SMIM14: variants seen among roughly 807,000 people sequenced by gnomAD.
SMIM14 encodes the protein chromosome 4 open reading frame 34.
In SMIM14, 5 loss-of-function variants were observed where a neutral mutation model predicts 12.6. The observed-to-expected ratio is 0.40, with a 90% CI of 0.21 to 0.83. The LOEUF is 0.83. SMIM14 is among the 40% of genes least tolerant of loss of function. The pLI, the probability that SMIM14 is intolerant of heterozygous loss-of-function variation, is 0.37. For synonymous variants in SMIM14, 30 were observed against 40.1 expected, an observed-to-expected ratio of 0.75 and a Z score of 0.95; for missense variants, 86 against 119.1, an observed-to-expected ratio of 0.72 and a Z score of 1.29.
rs1163098013 is a variant in SMIM14 at position 39,619,860 on chromosome 4, T to TTATA, written c.-35-14684_-35-14681dup. ...AATGTATATATATATTTATATATATTTATATATATATATATATTTTTTTTT... is the reference window on the plus strand; with the variant it reads ...AATGTATATATATATTTATATATATTTATATATATATATATATATATTTTTTTTT... On this transcript the variant is annotated intron_variant, in intron 1 of 4. Transcript: ENST00000295958. Among the ~76,000 whole-genome samples the TTATA allele has an allele frequency of 3.6e-3, 399 of 111,054 alleles. 7 individuals are homozygous for TTATA. The highest frequency in any genetic ancestry group is 8.6e-3 in the African/African-American group (228 of 26,364). 72.9% of individuals were successfully genotyped at this position (111,054 alleles called of 152,430 possible).
rs1475418410 is a variant in SMIM14, at chr4:39,547,350, T to G, written c.*4776A>C. ...AATAAAAAGTGCATAGTACAAGCCC[T>G]TTATCCCAATCCAAGTACTCAGAAA... On this transcript the variant is annotated 3_prime_UTR_variant, in exon 5 of 5. Transcript: ENST00000295958. 2.6e-5 allele frequency: 4 copies of G among 152,156 alleles called. No individual in the cohort carries two copies. Among genetic ancestry groups the G allele is most frequent in the Non-Finnish European group, 4.4e-5 (3 of 68,018 alleles). The allele number at this position is 152,156 out of a possible 1,614,324, so 9.4% of individuals were successfully genotyped here.
At chr4:39,570,244 T>G (rs1451680247) in intron 3 of SMIM14, among the ~76,000 whole-genome samples, 1 of 152,072 alleles carries the variant, frequency 6.6e-6, no homozygotes, top group Non-Finnish European at 1.5e-5. Context: ...TACTGCAACC[T>G]CTGCCTCCTG....
intron 2 of SMIM14, among the ~76,000 whole-genome samples, chr4:39,588,482 T>G (rs1329204574): frequency 4.6e-5 from 7 of 152,204 alleles, no homozygotes; most frequent in African/African-American, 1.7e-4. Flanking sequence ...GCCTTTTATG[T>G]CTTCCAGTGC....
intron 4 of SMIM14, among the ~76,000 whole-genome samples, chr4:39,554,925 T>G (rs990009887): frequency 1.4e-5 from 2 of 147,994 alleles, no homozygotes; most frequent in Non-Finnish European, 3.0e-5. Flanking sequence ...AACCTCCATC[T>G]CCTGGGTTCA....
chr4:39,635,910 C>T (rs1209094303), intron 1 of SMIM14, among the ~76,000 whole-genome samples: 7 of 151,964 alleles, frequency 4.6e-5, no homozygotes, highest in Admixed American at 3.3e-4. Flanking sequence ...AAGTGGCTCA[C>T]GCATGTAATC....
At chr4:39,594,506 G>A (rs1468750945) in intron 2 of SMIM14, 35 of 148,526 alleles carry the variant, frequency 2.4e-4, no homozygotes, top group African/African-American at 8.7e-4. Context: ...AGGACTTCAT[G>A]TCTAAAACAC....
chr4:39,597,112 ACTT>A (rs1714404163), intron 2 of SMIM14, among the ~76,000 whole-genome samples: 6 of 115,360 alleles, frequency 5.2e-5, no homozygotes, highest in Admixed American at 4.1e-4. Flanking sequence ...TTTTTAGCCT[ACTT>A]CTTCTATCAT....
At chr4:39,623,594 TC>T (rs1219910780) in intron 1 of SMIM14, among the ~76,000 whole-genome samples, 1 of 152,224 alleles carries the variant, frequency 6.6e-6, no homozygotes, top group Non-Finnish European at 1.5e-5. Flanking sequence ...GCGCGGTGGC[TC>T]ATGCCTGTAA....
At chr4:39,638,499 T>C in intron 1 of SMIM14, 1 of 985,432 alleles carries the variant, frequency 1.0e-6, no homozygotes, top group South Asian at 4.7e-5. Flanking sequence ...AAGCCCCGAC[T>C]CTGACATCCT....
intron 2 of SMIM14, among the ~76,000 whole-genome samples, chr4:39,585,581 G>A (rs1713745931): frequency 6.6e-6 from 1 of 152,082 alleles, no homozygotes; most frequent in African/African-American, 2.4e-5. Context: ...ACAGGCATGA[G>A]CCACTGCGCC....
At position 39,629,385 on chromosome 4, in the gene SMIM14, T is replaced by C. The variant is rs1578371199; in HGVS notation, c.-36+9354A>G. Among the ~76,000 whole-genome samples, 8 of 138,170 alleles carry C rather than the reference T, an allele frequency of 5.8e-5. No homozygotes were observed. In the South Asian group the frequency reaches 1.9e-3, roughly 33 times the overall value. 90.6% of individuals were successfully genotyped at this position (138,170 alleles called of 152,430 possible). On this transcript the variant is annotated intron_variant, in intron 1 of 4. Transcript: ENST00000295958. ...CAAAAAAAAAAAAAAAAAAGATACA[T>C]ATATATATATATTCCATACTATGTT...
intron 1 of SMIM14, among the ~76,000 whole-genome samples, chr4:39,616,449 G>C (rs1340126349): frequency 6.6e-6 from 1 of 151,932 alleles, no homozygotes; most frequent in African/African-American, 2.4e-5. Flanking sequence ...TTTATAACTT[G>C]GGAGTTTCTG....
At chr4:39,580,367 C>T (rs1480844351) in intron 2 of SMIM14, among the ~76,000 whole-genome samples, 4 of 151,742 alleles carry the variant, frequency 2.6e-5, no homozygotes, top group Non-Finnish European at 5.9e-5. Flanking sequence ...ATTTTTGTAG[C>T]GACAGTCTCC....
At chr4:39,605,384 C>T (rs1249833000) in intron 1 of SMIM14, among the ~76,000 whole-genome samples, 1 of 152,122 alleles carries the variant, frequency 6.6e-6, no homozygotes, top group Non-Finnish European at 1.5e-5. Context: ...CTTCTGCCAT[C>T]AGCCCATAAA....
chr4:39,634,288 C>T lies in SMIM14; in HGVS notation c.-36+4451G>A, dbSNP rs376198093. Among the ~76,000 whole-genome samples, 21 of 152,240 alleles carry T rather than the reference C, an allele frequency of 1.4e-4. No individual in the cohort carries two copies. The East Asian group carries it at 3.5e-3, about 25-fold the overall frequency. ...TCAGGCAAAAAGACCAACAAAACAA[C>T]GGACTTCATTAAGGACAGGATTGGA... On this transcript the variant is annotated intron_variant, in intron 1 of 4. Coordinates refer to ENST00000295958, the MANE Select transcript of SMIM14 (RefSeq NM_174921.3).
At chr4:39,554,880 G>T (rs1418031377) in intron 4 of SMIM14, among the ~76,000 whole-genome samples, 3 of 135,484 alleles carry the variant, frequency 2.2e-5, no homozygotes, top group African/African-American at 5.6e-5. Flanking sequence ...TCACCGCCTA[G>T]CCTGGAGTGC....
chr4:39,612,000 A>C (rs1715053128), intron 1 of SMIM14: 1 of 151,340 alleles, frequency 6.6e-6, no homozygotes, highest in Non-Finnish European at 1.5e-5. Flanking sequence ...TGAGAATTGG[A>C]AAGGGAGATG....
chr4:39,603,143 C>T (rs1013238234), intron 2 of SMIM14, among the ~76,000 whole-genome samples: 1 of 152,072 alleles, frequency 6.6e-6, no homozygotes, highest in African/African-American at 2.4e-5. Context: ...CAAAAAAAAT[C>T]CAAAACACCT....
Position 39,598,150 on chromosome 4 carries a change from A to G in SMIM14, c.75+6921T>C, listed in dbSNP as rs1394050386. Among the ~76,000 whole-genome samples the G allele has an allele frequency of 2.6e-5, 4 of 152,200 alleles. No individual in the cohort carries two copies. In the East Asian group the frequency reaches 7.7e-4, roughly 29 times the overall value. On this transcript the variant is annotated intron_variant, in intron 2 of 4. Transcript: ENST00000295958. ...TCTCGTGGTTTTAGCCTGGTAGCAA[A>G]GGCCTAAGCCAGTTACCTTATACTG...
Sources: allele counts gnomAD v4.1 joint callset (sites outside exome capture counted in the v4.1 genomes callset), GRCh38; gene constraint gnomAD v4.1.1; transcripts MANE v1.5; gene names NCBI Gene and HGNC (gene_info 2026-07-23, HGNC 2026-07-21).